Variants in DLG5 observed in about 807,000 individuals in gnomAD.
The protein encoded by DLG5 is disks large homolog 5.
Under a neutral mutation model 189.8 loss-of-function variants are expected in DLG5, and 48 were observed. The observed-to-expected ratio is 0.25, with a 90% CI of 0.20 to 0.32. The LOEUF (loss-of-function observed/expected upper bound fraction) is 0.32. DLG5 is among the 10% of genes least tolerant of loss of function. The pLI is 1.00. For missense variants in DLG5, 2,160 were observed against 2,544.7 expected (o/e 0.85, Z 3.25); for synonymous variants, 1,016 against 1,054.1 (o/e 0.96, Z 0.70).
intron 1 of DLG5, among the ~76,000 whole-genome samples, chr10:77,924,032 T>C (rs1249935784): frequency 6.6e-6 from 1 of 151,948 alleles, no homozygotes. Context: ...GCCCAGTTAA[T>C]TTTTGTATTT....
chr10:77,859,882 A>T (rs1163715808), intron 2 of DLG5, among the ~76,000 whole-genome samples: 1 of 152,174 alleles, frequency 6.6e-6, no homozygotes, highest in Non-Finnish European at 1.5e-5. Flanking sequence ...TGCAGCTTCG[A>T]AGTCTTCCCA....
chr10:77,933,895 A>C, the DLG5 span, among the ~76,000 whole-genome samples: 50 of 149,414 alleles, frequency 3.3e-4, 1 homozygote, highest in African/African-American at 1.2e-3. Flanking sequence ...TAAAATACGG[A>C]GAGTAGGCCG....
the DLG5 span, among the ~76,000 whole-genome samples, chr10:77,933,687 G>A: frequency 1.3e-5 from 2 of 151,538 alleles, no homozygotes; most frequent in Non-Finnish European, 2.9e-5. Flanking sequence ...TCGTGCCACT[G>A]CACTCCAGCC....
chr10:77,879,395 T>C (rs1359924654), intron 1 of DLG5, among the ~76,000 whole-genome samples: 1 of 152,060 alleles, frequency 6.6e-6, no homozygotes, highest in Admixed American at 6.5e-5. Context: ...GATGCAGGGC[T>C]TTATTCAGAG....
chr10:77,792,476 T>A lies in DLG5; in HGVS notation c.5724A>T (p.Gln1908His), dbSNP rs572242682. The A allele has an allele frequency of 6.2e-7, 1 of 1,614,190 alleles. No individual in the cohort carries two copies. The highest frequency in any genetic ancestry group is 1.1e-5 in the South Asian group (1 of 91,080). ...TQILAMVNQE[Q>H]NKVLWIPACP... ...AGGCTGGAATCCACAGGACTTTATTTTGTTCTTGATTGACCATTGCCAAGA... is the reference window on the plus strand; with the variant it reads ...AGGCTGGAATCCACAGGACTTTATTATGTTCTTGATTGACCATTGCCAAGA... The change falls in exon 32 of 32, where the codon CAA becomes CAT. Residue 1908 changes from glutamine (Q) to histidine (H), a missense_variant. Transcript: ENST00000372391.
intron 1 of DLG5, among the ~76,000 whole-genome samples, chr10:77,914,173 T>C (rs1303009105): frequency 1.3e-5 from 2 of 152,216 alleles, no homozygotes; most frequent in African/African-American, 4.8e-5. Context: ...AATGTGGGCT[T>C]CAGGACCAAA....
intron 27 of DLG5, among the ~76,000 whole-genome samples, chr10:77,798,857 G>A (rs1276090500): frequency 2.0e-5 from 3 of 152,176 alleles, no homozygotes; most frequent in Non-Finnish European, 2.9e-5. Context: ...GAATGGTTTG[G>A]AAGAATATTA....
In DLG5 at chr10:77,825,642, G is replaced by A. The variant is rs948845226; in HGVS notation, c.2290-1166C>T. Among the ~76,000 whole-genome samples, 5 of 151,048 alleles carry A rather than the reference G, an allele frequency of 3.3e-5. No individual in the cohort carries two copies. The East Asian group carries it at 5.9e-4, about 18-fold the overall frequency. On this transcript the variant is annotated intron_variant, in intron 13 of 31. Transcript: ENST00000372391. Reference sequence around the variant, plus strand: ...ATGATCTCGGCTCGCTGCAACCTCCGCCTCCCAGGTTCAAGCAATTCTCCT... The same window carrying A: ...ATGATCTCGGCTCGCTGCAACCTCCACCTCCCAGGTTCAAGCAATTCTCCT...
intron 1 of DLG5, among the ~76,000 whole-genome samples, chr10:77,914,129 T>C (rs1253481854): frequency 7.4e-6 from 1 of 134,578 alleles, no homozygotes; most frequent in East Asian, 2.2e-4. Context: ...CTTTTGGAAC[T>C]GAACTCACAG....
At chr10:77,882,075 G>C (rs2154577388) in intron 1 of DLG5, among the ~76,000 whole-genome samples, 1 of 152,332 alleles carries the variant, frequency 6.6e-6, no homozygotes, top group Non-Finnish European at 1.5e-5. Context: ...CTCAGCCTGG[G>C]TCTGTAGTAG....
Position 77,811,203 on chromosome 10 carries a change from T to G in DLG5, c.4354A>C (p.Thr1452Pro), listed in dbSNP as rs1603641190. The G allele has an allele frequency of 1.9e-6, 3 of 1,612,134 alleles. No individual in the cohort carries two copies. The East Asian group carries it at 6.7e-5, about 36-fold the overall frequency. The change falls in exon 23 of 32, where the codon ACT (threonine) becomes CCT (proline). Residue 1452 changes from threonine (T) to proline (P), a missense_variant. Coordinates refer to ENST00000372391, the MANE Select transcript of DLG5 (RefSeq NM_004747.4). ...SHLDPAGTHS[T>P]LQGSGTTTPE... The stretch of plus-strand genomic sequence containing the variant: ...GTGGTGGTGCCACTGCCCTGGAGAG[T>G]GGAGTGGGTACCGGCAGGGTCCAGG...
the DLG5 span, among the ~76,000 whole-genome samples, chr10:77,936,446 CAAAAAAAAAAAA>C: frequency 1.9e-4 from 10 of 52,132 alleles, no homozygotes; most frequent in Admixed American, 7.0e-4. Flanking sequence ...CAAAACAAAA[CAAAAAAAAAAAA>C]AAAAAAAAAG....
In DLG5 at chr10:77,792,616, T is replaced by C. The variant is rs557294958; in HGVS notation, c.5657-73A>G. On this transcript the variant is annotated intron_variant, in intron 31 of 31. Coordinates refer to ENST00000372391, the MANE Select transcript of DLG5 (RefSeq NM_004747.4). ...CAGGTTTGAGGCAAGGCAGTACAGC[T>C]TGCACTCTTTCTACTGTGTGGCTGT... 39 of 1,383,042 alleles carry C rather than the reference T, an allele frequency of 2.8e-5. No homozygotes were observed. The Admixed American group carries it at 6.1e-4, about 22-fold the overall frequency. 85.7% of individuals were successfully genotyped at this position (1,383,042 alleles called of 1,614,324 possible). A position where few individuals can be genotyped will look rare whatever the true frequency, so the allele number is the denominator to read the frequency against.
chr10:77,891,573 GACAC>G (rs55688664), intron 1 of DLG5, among the ~76,000 whole-genome samples: 17,262 of 140,404 alleles, frequency 0.12, 1,934 homozygotes, highest in African/African-American at 0.31. Context: ...TCCCCCAACA[GACAC>G]ACACACACAC....
intron 1 of DLG5, among the ~76,000 whole-genome samples, chr10:77,900,669 G>A (rs1490002879): frequency 6.6e-6 from 1 of 152,058 alleles, no homozygotes; most frequent in East Asian, 1.9e-4. Context: ...GGGCACAGTG[G>A]CTCACACCTG....
intron 1 of DLG5, among the ~76,000 whole-genome samples, chr10:77,880,712 C>T (rs1278218027): frequency 6.6e-6 from 1 of 152,144 alleles, no homozygotes; most frequent in African/African-American, 2.4e-5. Flanking sequence ...CATGGCACAG[C>T]TCATGTTTTT....
In DLG5 at chr10:77,811,226, A is replaced by T; in HGVS notation, c.4331T>A (p.Leu1444Gln). 6.2e-7 allele frequency: 1 copy of T among 1,612,902 alleles called. No individual in the cohort carries two copies. Among genetic ancestry groups the T allele is most frequent in the Non-Finnish European group, 8.5e-7 (1 of 1,179,798 alleles). The change falls in exon 23 of 32, where the codon CTG becomes CAG. Residue 1444 changes from leucine (L) to glutamine (Q), a missense_variant. Transcript: ENST00000372391. Reference sequence around the variant, plus strand: ...AGTGGAGTGGGTACCGGCAGGGTCCAGGTGTGAGCTGGAGGCGGAGGACAG... The same window carrying T: ...AGTGGAGTGGGTACCGGCAGGGTCCTGGTGTGAGCTGGAGGCGGAGGACAG... Reference protein sequence around the residue: ...LSSHSRSSSHLDPAGTHSTLQ... With the variant: ...LSSHSRSSSHQDPAGTHSTLQ...
chr10:77,938,192 G>T, the DLG5 span, among the ~76,000 whole-genome samples: 2 of 151,964 alleles, frequency 1.3e-5, no homozygotes, highest in East Asian at 3.9e-4. Context: ...GCCTGTAATC[G>T]CAACACTTTG....
chr10:77,802,390 A>G (rs1297669488), intron 27 of DLG5, among the ~76,000 whole-genome samples: 1 of 152,206 alleles, frequency 6.6e-6, no homozygotes, highest in African/African-American at 2.4e-5. Flanking sequence ...AGACACAAAC[A>G]CTGACAGGAT....
Sources: allele counts gnomAD v4.1 joint callset (sites outside exome capture counted in the v4.1 genomes callset), GRCh38; gene constraint gnomAD v4.1.1; transcripts MANE v1.5; gene names NCBI Gene and HGNC (gene_info 2026-07-23, HGNC 2026-07-21).